Variants in HIVEP3 observed in about 807,000 individuals in gnomAD.
HIVEP3 encodes HIVEP zinc finger 3.
In HIVEP3, 49 loss-of-function variants were observed where a neutral mutation model predicts 152.8. The ratio of observed to expected loss-of-function variants is 0.32; its 90% CI spans 0.26 to 0.41. The LOEUF is 0.41. HIVEP3 is among the 10% of genes least tolerant of loss of function. The pLI is 1.00. For missense variants in HIVEP3, 2,790 were observed against 3,103.3 expected, an observed-to-expected ratio of 0.90 and a Z score of 2.40; for synonymous variants, 1,269 against 1,289.0, an observed-to-expected ratio of 0.98 and a Z score of 0.33.
At chr1:41,595,570 A>C (rs1453911371) in intron 3 of HIVEP3, among the ~76,000 whole-genome samples, 1 of 152,174 alleles carries the variant, frequency 6.6e-6, no homozygotes, top group Non-Finnish European at 1.5e-5. Context: ...TGCAAGAAAG[A>C]GACTCTAGGT....
intron 3 of HIVEP3, among the ~76,000 whole-genome samples, chr1:41,597,409 C>T (rs184087365): frequency 1.3e-5 from 2 of 152,346 alleles, no homozygotes; most frequent in East Asian, 3.9e-4. Flanking sequence ...AGAGGAAGAT[C>T]ATCTAAACCA....
chr1:41,611,495 C>A (rs143003985), intron 3 of HIVEP3, among the ~76,000 whole-genome samples: 37 of 152,348 alleles, frequency 2.4e-4, no homozygotes, highest in African/African-American at 7.5e-4. Flanking sequence ...AATGTTTTTA[C>A]ATCCATCTCA....
At chr1:41,860,468 C>G (rs563121896) in intron 1 of HIVEP3, among the ~76,000 whole-genome samples, 1 of 152,296 alleles carries the variant, frequency 6.6e-6, no homozygotes, top group Admixed American at 6.5e-5. Context: ...AACCCCACTC[C>G]CCTACAGGTA....
intron 2 of HIVEP3, among the ~76,000 whole-genome samples, chr1:41,682,491 G>A (rs967495905): frequency 2.8e-4 from 43 of 152,154 alleles, no homozygotes; most frequent in African/African-American, 5.6e-4. Context: ...GGAGGACCCC[G>A]CCGAATACCC....
intron 5 of HIVEP3, among the ~76,000 whole-genome samples, chr1:41,558,187 G>GA (rs887000911): frequency 6.6e-6 from 1 of 152,188 alleles, no homozygotes; most frequent in Admixed American, 6.5e-5. Flanking sequence ...TCAGGAGAGG[G>GA]ATGATGCCCC....
intron 1 of HIVEP3, among the ~76,000 whole-genome samples, chr1:41,957,556 CA>C (rs1162074381): frequency 6.6e-6 from 1 of 152,160 alleles, no homozygotes; most frequent in Non-Finnish European, 1.5e-5. Context: ...CATCATCATG[CA>C]AGGACAAACT....
At chr1:41,526,563 A>C (rs1453054547) in intron 5 of HIVEP3, among the ~76,000 whole-genome samples, 3 of 17,582 alleles carry the variant, frequency 1.7e-4, no homozygotes, top group Non-Finnish European at 3.5e-4. Context: ...TCACCCTCAC[A>C]CACCCTCACA....
At chr1:41,722,111 T>C (rs1646682397) in intron 1 of HIVEP3, among the ~76,000 whole-genome samples, 1 of 152,194 alleles carries the variant, frequency 6.6e-6, no homozygotes, top group Non-Finnish European at 1.5e-5. Context: ...CCTCCCCACC[T>C]GACCCTAGTA....
chr1:41,957,897 A>G (rs1416114681), intron 1 of HIVEP3, among the ~76,000 whole-genome samples: 1 of 152,210 alleles, frequency 6.6e-6, no homozygotes, highest in Non-Finnish European at 1.5e-5. Flanking sequence ...TGGCATTTCA[A>G]GGGCAAGCCA....
chr1:41,519,088 A>T (rs1642689032), intron 6 of HIVEP3, among the ~76,000 whole-genome samples: 1 of 152,216 alleles, frequency 6.6e-6, no homozygotes, highest in African/African-American at 2.4e-5. Context: ...GAAGTCTACT[A>T]GCCAGGGACT....
intron 1 of HIVEP3, among the ~76,000 whole-genome samples, chr1:41,955,448 G>C (rs1347265700): frequency 6.6e-6 from 1 of 152,072 alleles, no homozygotes; most frequent in East Asian, 1.9e-4. Context: ...TTAAATAGGA[G>C]GAAAGTACTT....
At position 41,537,906 on chromosome 1, in the gene HIVEP3, C is replaced by T. The variant is rs147335182; in HGVS notation, c.5208-12996G>A. Reference sequence around the variant, plus strand: ...TCTCTGTTCTAAACAGCGACGTGAGCTGCAAGCATGTGAATTTACTCAACA... The same window carrying T: ...TCTCTGTTCTAAACAGCGACGTGAGTTGCAAGCATGTGAATTTACTCAACA... On this transcript the variant is annotated intron_variant, in intron 5 of 8. Coordinates refer to ENST00000372583, the MANE Select transcript of HIVEP3 (RefSeq NM_024503.5). Among the ~76,000 whole-genome samples the T allele has an allele frequency of 2.2e-3, 332 of 152,334 alleles. 2 individuals carry two copies. The highest frequency in any genetic ancestry group is 6.8e-3 in the Middle Eastern group (2 of 294).
At chr1:41,839,134 A>T (rs1349851539) in intron 1 of HIVEP3, among the ~76,000 whole-genome samples, 2 of 152,114 alleles carry the variant, frequency 1.3e-5, no homozygotes, top group Admixed American at 6.5e-5. Context: ...TGCCACAGGG[A>T]TGCCAGCCTT....
chr1:42,028,387 G>A (rs1021341211), intron 1 of HIVEP3, among the ~76,000 whole-genome samples: 1 of 152,216 alleles, frequency 6.6e-6, no homozygotes, highest in Admixed American at 6.5e-5. Context: ...AGTAGAAGGA[G>A]AGACCAGGAA....
chr1:41,510,965 C>A lies in HIVEP3; in HGVS notation c.6707G>T (p.Arg2236Leu). The change falls in exon 9 of 9, where the codon CGG becomes CTG. Residue 2236 changes from arginine to leucine, a missense_variant. Coordinates refer to ENST00000372583, the MANE Select transcript of HIVEP3 (RefSeq NM_024503.5). ...CCAGCGGCCTCGCTCCTGGGCCTCC[C>A]GGGCCCCTGTCAGGTCGCTGCCACC... ...SGGGSDLTGA[R>L]EAQERGRWSP... The A allele has an allele frequency of 6.2e-7, 1 of 1,613,542 alleles. No homozygotes were observed. Among genetic ancestry groups the A allele is most frequent in the South Asian group, 1.1e-5 (1 of 91,072 alleles).
chr1:41,712,786 C>T (rs1646533841), intron 1 of HIVEP3, among the ~76,000 whole-genome samples: 1 of 152,214 alleles, frequency 6.6e-6, no homozygotes, highest in Non-Finnish European at 1.5e-5. Flanking sequence ...TCCCTCCATC[C>T]TCCCTGGGGA....
In HIVEP3 at chr1:41,585,165, C is replaced by G; in HGVS notation, c.-368G>C. ...CCCCACGAGTCCCCCGTGTGCTATG[C>G]AAACGGTTGAAGGTTGGAGACATCT... On this transcript the variant is annotated 5_prime_UTR_variant, in exon 4 of 9. Transcript: ENST00000372583. The G allele has an allele frequency of 2.5e-6, 1 of 398,312 alleles. No homozygotes were observed. Among genetic ancestry groups the G allele is most frequent in the South Asian group, 1.3e-4 (1 of 7,630 alleles). 24.7% of individuals were successfully genotyped at this position (398,312 alleles called of 1,614,324 possible). A position where few individuals can be genotyped will look rare whatever the true frequency, so the allele number is the denominator to read the frequency against.
intron 1 of HIVEP3, among the ~76,000 whole-genome samples, chr1:41,862,967 C>G (rs1643906594): frequency 1.3e-5 from 2 of 152,170 alleles, no homozygotes; most frequent in Admixed American, 6.5e-5. Context: ...GGGAAGGAAA[C>G]AATGAATGCA....
chr1:41,757,029 A>G (rs1316264773), intron 1 of HIVEP3, among the ~76,000 whole-genome samples: 1 of 151,716 alleles, frequency 6.6e-6, no homozygotes, highest in African/African-American at 2.4e-5. Context: ...AGGAGGGCGG[A>G]TCACTTGAGG....
Sources: gnomAD v4.1 joint callset for allele counts (sites outside exome capture counted in the v4.1 genomes callset) on GRCh38, gnomAD v4.1.1 for gene constraint, MANE v1.5 for transcripts, NCBI Gene and HGNC (gene_info 2026-07-23, HGNC 2026-07-21) for gene names.